Variants in FOXK2 observed in about 807,000 individuals in gnomAD.
The protein encoded by FOXK2 is forkhead box K2.
FOXK2 carries 24 observed loss-of-function variants against 53.3 expected under a neutral mutation model. That is an observed-to-expected ratio of 0.45 (90% CI 0.33 to 0.63). FOXK2 has a LOEUF of 0.63. FOXK2 is among the 30% of genes least tolerant of loss of function. The pLI, the probability that FOXK2 is intolerant of heterozygous loss-of-function variation, is 0.03. For missense variants in FOXK2, 952 were observed against 910.5 expected, an observed-to-expected ratio of 1.05 and a Z score of -0.59; for synonymous variants, 505 against 407.1, an observed-to-expected ratio of 1.24 and a Z score of -2.89.
chr17:82,582,963 A>C, intron 5 of FOXK2, 29 bp downstream of exon 5: 1 of 1,486,904 alleles, frequency 6.7e-7, no homozygotes, highest in Non-Finnish European at 9.0e-7. Flanking sequence ...AAAAGGCCTC[A>C]CTTCGTGCTT....
chr17:82,523,276 A>G (rs914823488), intron 1 of FOXK2, among the ~76,000 whole-genome samples: 1 of 152,106 alleles, frequency 6.6e-6, no homozygotes. Flanking sequence ...ACACAAGGGG[A>G]TGAGTGGCTT....
At position 82,571,853 on chromosome 17, in the gene FOXK2, G is replaced by A; in HGVS notation, c.892G>A (p.Ala298Thr). The change falls in exon 4 of 9, where the codon GCG (alanine) becomes ACG (threonine). Residue 298 changes from alanine to threonine, a missense_variant. Transcript: ENST00000335255. ...ITKNYPYYRT[A>T]DKGWQNSIRH... ...TAAAAATTATCCCTACTACAGGACT[G>A]CGGACAAGGGCTGGCAGGTAAATGC... 1.9e-6 allele frequency: 3 copies of A among 1,572,844 alleles called. No individual in the cohort carries two copies. The highest frequency in any genetic ancestry group is 2.6e-6 in the Non-Finnish European group (3 of 1,164,060).
intron 1 of FOXK2, among the ~76,000 whole-genome samples, chr17:82,558,016 A>G (rs1181411581): frequency 1.3e-5 from 2 of 152,100 alleles, no homozygotes; most frequent in Non-Finnish European, 2.9e-5. Flanking sequence ...TCCTCACAGC[A>G]CTAATTGTCT....
Position 82,558,842 on chromosome 17 carries a change from G to A in FOXK2, c.420-4512G>A, listed in dbSNP as rs28560180. The stretch of plus-strand genomic sequence containing the variant: ...GCTCACTGCAAGCTCCGCCTCCTGG[G>A]TTCATGCCATTCTCCTGCCTCAGCC... On this transcript the variant is annotated intron_variant, in intron 1 of 8. Coordinates refer to ENST00000335255, the MANE Select transcript of FOXK2 (RefSeq NM_004514.4). 8.7e-3 allele frequency among the ~76,000 whole-genome samples: 1,320 copies of A among 152,236 alleles called. 21 individuals carry two copies. The highest frequency in any genetic ancestry group is 0.03 in the African/African-American group (1,252 of 41,526).
At chr17:82,582,634 A>C in intron 4 of FOXK2, 107 bp from the exon 5 acceptor site, 1 of 862,668 alleles carries the variant, frequency 1.2e-6, no homozygotes. Flanking sequence ...GCAGTCTGCC[A>C]GGCCCAACAT....
At chr17:82,533,676 A>G (rs995197828) in intron 1 of FOXK2, among the ~76,000 whole-genome samples, 1 of 152,152 alleles carries the variant, frequency 6.6e-6, no homozygotes, top group African/African-American at 2.4e-5. Flanking sequence ...CACAATGGCT[A>G]GGAATAGGAA....
chr17:82,567,551 G>A (rs928633069), intron 2 of FOXK2, among the ~76,000 whole-genome samples: 5 of 152,192 alleles, frequency 3.3e-5, no homozygotes, highest in Admixed American at 1.3e-4. Flanking sequence ...CCATGTCCAC[G>A]GCTTCATCTT....
At chr17:82,530,510 G>A (rs1270022854) in intron 1 of FOXK2, among the ~76,000 whole-genome samples, 2 of 114,628 alleles carry the variant, frequency 1.7e-5, no homozygotes, top group Non-Finnish European at 3.5e-5. Context: ...CTACTGATGT[G>A]TTTTTTTTTT....
intron 1 of FOXK2, among the ~76,000 whole-genome samples, chr17:82,550,173 A>C (rs886618714): frequency 6.6e-6 from 1 of 152,210 alleles, no homozygotes; most frequent in Non-Finnish European, 1.5e-5. Context: ...CCTGGGCGAC[A>C]CTGCAAGACC....
intron 1 of FOXK2, among the ~76,000 whole-genome samples, chr17:82,535,582 C>G (rs899788855): frequency 6.6e-6 from 1 of 152,076 alleles, no homozygotes; most frequent in Admixed American, 6.6e-5. Flanking sequence ...CTTGTGCCTG[C>G]TCAGATGTGC....
chr17:82,552,452 A>G (rs2044685900), intron 1 of FOXK2, among the ~76,000 whole-genome samples: 1 of 152,086 alleles, frequency 6.6e-6, no homozygotes, highest in Admixed American at 6.5e-5. Context: ...GGCTTCACCC[A>G]CCGTCGCTCC....
rs376958736 is a variant in FOXK2 at position 82,586,121 on chromosome 17, A to C, written c.1497A>C (p.Gln499His). Residue 499 changes from glutamine to histidine, a missense_variant, in exon 7 of 9, where the codon CAA becomes CAC. Gln to His is a conservative substitution (Grantham distance 24, BLOSUM62 0). Transcript: ENST00000335255. ...CGAACACGTACACTGTCTCTGGACAAGCTGTGGTCACCCCGGCAGCCGTGC... is the reference window on the plus strand; with the variant it reads ...CGAACACGTACACTGTCTCTGGACACGCTGTGGTCACCCCGGCAGCCGTGC... ...APANTYTVSG[Q>H]AVVTPAAVLA... The C allele has an allele frequency of 3.8e-4, 609 of 1,612,652 alleles. 5 individuals carry two copies. In the Middle Eastern group the frequency reaches 5.0e-3, roughly 13 times the overall value.
At chr17:82,553,582 G>A (rs549350487) in intron 1 of FOXK2, among the ~76,000 whole-genome samples, 16 of 152,318 alleles carry the variant, frequency 1.1e-4, no homozygotes, top group Admixed American at 2.0e-4. Flanking sequence ...CATGGTTTTC[G>A]GGGACTTTGG....
intron 1 of FOXK2, among the ~76,000 whole-genome samples, chr17:82,522,368 ATTTTT>A (rs538515246): frequency 4.3e-4 from 61 of 141,794 alleles, no homozygotes; most frequent in South Asian, 2.0e-3. Flanking sequence ...GTTTTTTGGA[ATTTTT>A]TTTTTTTTTT....
chr17:82,523,806 A>G (rs72861006), intron 1 of FOXK2, among the ~76,000 whole-genome samples: 22,658 of 151,966 alleles, frequency 0.15, 2,167 homozygotes, highest in East Asian at 0.32. Flanking sequence ...ATTTAAGCTC[A>G]GTGTTCAGGT....
chr17:82,553,038 C>T (rs769903297), intron 1 of FOXK2, among the ~76,000 whole-genome samples: 6 of 152,166 alleles, frequency 3.9e-5, no homozygotes, highest in African/African-American at 9.7e-5. Context: ...TGAGTTCAAG[C>T]GATTCTCCTG....
At chr17:82,571,957 G>C (rs2044923212) in intron 4 of FOXK2, 87 bp downstream of exon 4, 1 of 1,348,006 alleles carries the variant, frequency 7.4e-7, no homozygotes, top group Admixed American at 3.0e-5. Context: ...ACAGGCACAG[G>C]ATAGGAAGGT....
chr17:82,532,769 T>G (rs1213035001), intron 1 of FOXK2, among the ~76,000 whole-genome samples: 2 of 151,890 alleles, frequency 1.3e-5, no homozygotes, highest in Non-Finnish European at 2.9e-5. Flanking sequence ...GGTTTTGCCG[T>G]GTTGACCAGG....
intron 1 of FOXK2, among the ~76,000 whole-genome samples, chr17:82,522,876 C>A (rs531496686): frequency 5.4e-4 from 82 of 152,152 alleles, no homozygotes; most frequent in Non-Finnish European, 9.4e-4. Flanking sequence ...CTTGCTGCAA[C>A]CTCCGCCTCC....
Sources: allele counts gnomAD v4.1 joint callset (sites outside exome capture counted in the v4.1 genomes callset), GRCh38; gene constraint gnomAD v4.1.1; transcripts MANE v1.5; gene names NCBI Gene and HGNC (gene_info 2026-07-23, HGNC 2026-07-21).